The following ZNF69 variants were observed in gnomAD, a reference collection of about 807,000 sequenced individuals.
ZNF69 encodes the protein zinc finger protein 69, also known as ZNF3.
In ZNF69, 47 loss-of-function variants were observed where a neutral mutation model predicts 50.9. The observed-to-expected ratio is 0.92, with a 90% CI of 0.73 to 1.18. ZNF69 has a LOEUF of 1.18. ZNF69 is among the 50% of genes most tolerant of loss of function. The pLI is 0.00. For synonymous variants in ZNF69, 216 were observed against 223.1 expected, an observed-to-expected ratio of 0.97 and a Z score of 0.29; for missense variants, 717 against 675.1, an observed-to-expected ratio of 1.06 and a Z score of -0.69.
the ZNF69 span, among the ~76,000 whole-genome samples, chr19:11,963,557 TC>T: frequency 6.6e-6 from 1 of 152,114 alleles, no homozygotes; most frequent in Non-Finnish European, 1.5e-5. Context: ...CTCTTCCCCC[TC>T]CTCATCAATG....
the ZNF69 span, among the ~76,000 whole-genome samples, chr19:11,967,830 A>G: frequency 6.6e-6 from 1 of 152,262 alleles, no homozygotes; most frequent in East Asian, 1.9e-4. Flanking sequence ...GGTCTTGTCT[A>G]TGTAAAGACT....
chr19:11,927,405 C>G, the ZNF69 span, among the ~76,000 whole-genome samples: 1 of 148,314 alleles, frequency 6.7e-6, no homozygotes. Flanking sequence ...GCCAACACAG[C>G]GAGACCCTGT....
chr19:11,967,570 A>AT, the ZNF69 span, among the ~76,000 whole-genome samples: 1 of 151,982 alleles, frequency 6.6e-6, no homozygotes, highest in Non-Finnish European at 1.5e-5. Flanking sequence ...CGCTCGGCTA[A>AT]TTTTTTGTAT....
chr19:11,928,001 AT>A, the ZNF69 span, among the ~76,000 whole-genome samples: 7,122 of 145,786 alleles, frequency 0.049, 342 homozygotes, highest in African/African-American at 0.12. Context: ...AGATACAACA[AT>A]TTTTTTTTTT....
the ZNF69 span, chr19:11,946,926 G>A: frequency 2.8e-4 from 165 of 588,378 alleles, no homozygotes; most frequent in East Asian, 3.5e-3. Flanking sequence ...CTTGAACCCC[G>A]GTGGTGAGCC....
chr19:11,935,034 A>G, the ZNF69 span, among the ~76,000 whole-genome samples: 5 of 145,724 alleles, frequency 3.4e-5, no homozygotes, highest in South Asian at 2.1e-4. Context: ...AAAATTAGCC[A>G]GGCATGGTGG....
At chr19:11,960,435 A>G in the ZNF69 span, among the ~76,000 whole-genome samples, 1 of 152,146 alleles carries the variant, frequency 6.6e-6, no homozygotes, top group Admixed American at 6.6e-5. Flanking sequence ...CAATCCTCTC[A>G]CCTCAGCTTT....
chr19:11,964,064 G>A, the ZNF69 span, among the ~76,000 whole-genome samples: 1 of 152,248 alleles, frequency 6.6e-6, no homozygotes, highest in Admixed American at 6.5e-5. Context: ...CCTGCAGGGG[G>A]CAGCAGAGCC....
the ZNF69 span, among the ~76,000 whole-genome samples, chr19:11,955,059 C>T: frequency 7.3e-6 from 1 of 137,602 alleles, no homozygotes; most frequent in East Asian, 2.1e-4. Flanking sequence ...GGCTGGAATG[C>T]AATGGCTCAA....
the ZNF69 span, among the ~76,000 whole-genome samples, chr19:11,922,721 C>T: frequency 6.6e-6 from 1 of 152,152 alleles, no homozygotes; most frequent in African/African-American, 2.4e-5. Flanking sequence ...CCAGAATGAT[C>T]CAGTCCATAA....
At chr19:11,974,542 A>T in the ZNF69 span, among the ~76,000 whole-genome samples, 1 of 137,276 alleles carries the variant, frequency 7.3e-6, no homozygotes, top group African/African-American at 2.9e-5. Context: ...GCATCCCGTC[A>T]TATGTTTGTT....
At chr19:11,949,459 T>C in the ZNF69 span, 6 of 1,612,478 alleles carry the variant, frequency 3.7e-6, no homozygotes, top group Non-Finnish European at 4.2e-6. Flanking sequence ...ATGTAAGGAA[T>C]GTGGGAAAGC....
chr19:11,979,035 A>G, the ZNF69 span: 14 of 1,614,050 alleles, frequency 8.7e-6, no homozygotes, highest in African/African-American at 1.3e-5. Context: ...TTATGAATGT[A>G]AGCAGTGTGG....
the ZNF69 span, chr19:11,956,675 G>A: frequency 2.5e-6 from 1 of 396,084 alleles, no homozygotes; most frequent in Non-Finnish European, 4.4e-6. Context: ...GGCCAAAATG[G>A]CGAAACCCCA....
At chr19:11,952,500 G>A in the ZNF69 span, among the ~76,000 whole-genome samples, 12 of 152,170 alleles carry the variant, frequency 7.9e-5, no homozygotes, top group South Asian at 2.1e-4. Context: ...TAACAGCAAC[G>A]TGGAAAAGTA....
At chr19:11,977,714 G>T in the ZNF69 span, among the ~76,000 whole-genome samples, 1 of 152,108 alleles carries the variant, frequency 6.6e-6, no homozygotes, top group Admixed American at 6.5e-5. Flanking sequence ...AAAATTAGCT[G>T]GGCATTGTGG....
At chr19:11,955,541 A>G in the ZNF69 span, among the ~76,000 whole-genome samples, 1 of 151,798 alleles carries the variant, frequency 6.6e-6, no homozygotes, top group African/African-American at 2.4e-5. Context: ...CCACAGGTGC[A>G]CGCCACCATG....
At chr19:11,950,441 A>C in the ZNF69 span, 1 of 736,748 alleles carries the variant, frequency 1.4e-6, no homozygotes, top group African/African-American at 1.8e-5. Flanking sequence ...TTTCAATGTC[A>C]TGAAAGGACT....
the ZNF69 span, among the ~76,000 whole-genome samples, chr19:11,966,437 G>C: frequency 1.3e-5 from 2 of 152,154 alleles, no homozygotes; most frequent in Non-Finnish European, 2.9e-5. Flanking sequence ...GCAATGGCTG[G>C]ATCTCGGCTC....
Sources: allele counts gnomAD v4.1 joint callset (sites outside exome capture counted in the v4.1 genomes callset), GRCh38; gene constraint gnomAD v4.1.1; transcripts MANE v1.5; gene names NCBI Gene and HGNC (gene_info 2026-07-23, HGNC 2026-07-21).